The following DERA variants were observed in gnomAD, a reference collection of about 807,000 sequenced individuals.
The protein encoded by DERA is 2-deoxy-D-ribose 5-phosphate aldolase.
DERA carries 15 observed loss-of-function variants against 41.1 expected under a neutral mutation model. The ratio of observed to expected loss-of-function variants is 0.37; its 90% CI spans 0.24 to 0.56. The LOEUF is 0.56. DERA is among the 20% of genes least tolerant of loss of function. The probability of loss-of-function intolerance (pLI) is 0.81; values close to 1 mark genes in which losing one functional copy is unlikely to be tolerated. For synonymous variants in DERA, 139 were observed against 137.4 expected (o/e 1.01, Z -0.08); for missense variants, 396 against 403.4 (o/e 0.98, Z 0.16).
Position 16,035,501 on chromosome 12 carries a change from C to T in DERA, c.751-731C>T, listed in dbSNP as rs2136191563. On this transcript the variant is annotated intron_variant, in intron 7 of 8. Transcript: ENST00000428559. This position sits in a 1 kb window ranked among gnomAD's most constrained non-coding sequence, Gnocchi z 4.1. ...TGTATATGGAACATATCTTTCATTT[C>T]CTAATGGATCCAGGGACATCATTTA... 6.6e-6 allele frequency among the ~76,000 whole-genome samples: 1 copy of T among 152,268 alleles called. No individual in the cohort carries two copies. The highest frequency in any genetic ancestry group is 2.4e-5 in the African/African-American group (1 of 41,564).
At position 15,959,456 on chromosome 12, in the gene DERA, G is replaced by C. The variant is rs183839572; in HGVS notation, c.278-373G>C. Reference sequence around the variant, plus strand: ...GTCTTCATCTGTCCTTCTTCAAACTGTCCTTTCTTCAGGTATGTCCTATGT... The same window carrying C: ...GTCTTCATCTGTCCTTCTTCAAACTCTCCTTTCTTCAGGTATGTCCTATGT... On this transcript the variant is annotated intron_variant, in intron 3 of 8. Transcript: ENST00000428559. This position sits in a 1 kb window ranked among gnomAD's most constrained non-coding sequence, Gnocchi z 4.5. Among the ~76,000 whole-genome samples, 218 of 152,246 alleles carry C rather than the reference G, an allele frequency of 1.4e-3. 1 individual carries two copies. The highest frequency in any genetic ancestry group is 0.014 in the Middle Eastern group (4 of 294).
In DERA at chr12:15,966,234, C is replaced by T. The variant is rs916458443; in HGVS notation, c.508+3287C>T. ...TCCGCAGCAACGCTCTGGAGTGAGG[C>T]GTCCTCCTCACTTGAGGTTGGGAGT... On this transcript the variant is annotated intron_variant, in intron 5 of 8. Coordinates refer to ENST00000428559, the MANE Select transcript of DERA (RefSeq NM_015954.4). This position sits in a 1 kb window ranked among gnomAD's most constrained non-coding sequence, Gnocchi z 5.1. Among the ~76,000 whole-genome samples the T allele has an allele frequency of 3.3e-5, 5 of 152,152 alleles. No homozygotes were observed. The highest frequency in any genetic ancestry group is 7.3e-5 in the Non-Finnish European group (5 of 68,040).
intron 4 of DERA, among the ~76,000 whole-genome samples, chr12:15,962,491 T>C (rs913194362): frequency 1.3e-5 from 2 of 152,244 alleles, no homozygotes; most frequent in African/African-American, 2.4e-5. Context: ...ATTTTATGGC[T>C]ATCACTGTGA....
At position 15,995,904 on chromosome 12, in the gene DERA, T is replaced by G. The variant is rs1352738793; in HGVS notation, c.637+13468T>G. Among the ~76,000 whole-genome samples, 3 of 152,286 alleles carry G rather than the reference T, an allele frequency of 2.0e-5. No homozygotes were observed. Among genetic ancestry groups the G allele is most frequent in the Non-Finnish European group, 4.4e-5 (3 of 68,030 alleles). ...AAAGTAGTAGGACTAGGACCAACTT[T>G]TAGACATTGTGGGAAGATGGCTTTT... On this transcript the variant is annotated intron_variant, in intron 6 of 8. Coordinates refer to ENST00000428559, the MANE Select transcript of DERA (RefSeq NM_015954.4). This position sits in a 1 kb window ranked among gnomAD's most constrained non-coding sequence, Gnocchi z 5.1.
intron 1 of DERA, among the ~76,000 whole-genome samples, chr12:15,934,109 A>T (rs1244837571): frequency 6.6e-6 from 1 of 152,114 alleles, no homozygotes. Flanking sequence ...ATGGTTTTCA[A>T]CTGTGAATCC....
At chr12:15,926,644 G>A (rs1487040878) in intron 1 of DERA, among the ~76,000 whole-genome samples, 1 of 151,936 alleles carries the variant, frequency 6.6e-6, no homozygotes, top group East Asian at 1.9e-4. Flanking sequence ...GCTGAGGCAG[G>A]GGAATGGCGT....
chr12:16,032,857 GGAGT>G (rs1396052363), intron 7 of DERA: 11 of 537,072 alleles, frequency 2.0e-5, no homozygotes, highest in South Asian at 1.3e-4. Flanking sequence ...TGTGAGTGTG[GGAGT>G]GAGTATGTGT....
At chr12:15,937,577 G>A (rs892930499) in intron 1 of DERA, among the ~76,000 whole-genome samples, 2 of 152,128 alleles carry the variant, frequency 1.3e-5, no homozygotes, top group Non-Finnish European at 2.9e-5. Flanking sequence ...CATTGGTAAT[G>A]CTAATGTATT....
rs1183539919 is a variant in DERA, at chr12:15,957,469, A to T, written c.129+436A>T. Among the ~76,000 whole-genome samples the T allele has an allele frequency of 6.6e-6, 1 of 152,166 alleles. No individual in the cohort carries two copies. Among genetic ancestry groups the T allele is most frequent in the Non-Finnish European group, 1.5e-5 (1 of 68,026 alleles). Reference sequence around the variant, plus strand: ...TATTTACCTTACTATTACTTTCTATAAATCATTTTTCAAAATTCCAAAAAT... The same window carrying T: ...TATTTACCTTACTATTACTTTCTATTAATCATTTTTCAAAATTCCAAAAAT... On this transcript the variant is annotated intron_variant, in intron 2 of 8. Transcript: ENST00000428559. The surrounding 1 kb of genome is among the most constrained non-coding windows in gnomAD (Gnocchi z 4.8).
At chr12:16,032,364 A>G (rs981667432) in intron 6 of DERA, among the ~76,000 whole-genome samples, 178 bp from the exon 7 acceptor site, 1 of 152,198 alleles carries the variant, frequency 6.6e-6, no homozygotes, top group Non-Finnish European at 1.5e-5. Context: ...TAAGGGGGAA[A>G]AAGTATGGAC....
At chr12:15,968,413 C>A (rs1293935700) in intron 5 of DERA, among the ~76,000 whole-genome samples, 3 of 152,136 alleles carry the variant, frequency 2.0e-5, no homozygotes, top group Admixed American at 1.3e-4. Context: ...CTTTCCTCTC[C>A]CTGGGATGGC....
Position 15,957,924 on chromosome 12 carries a change from T to C in DERA, c.130-264T>C, listed in dbSNP as rs1228753318. 6.6e-6 allele frequency among the ~76,000 whole-genome samples: 1 copy of C among 152,120 alleles called. No homozygotes were observed. Among genetic ancestry groups the C allele is most frequent in the African/African-American group, 2.4e-5 (1 of 41,420 alleles). On this transcript the variant is annotated intron_variant, in intron 2 of 8. Coordinates refer to ENST00000428559, the MANE Select transcript of DERA (RefSeq NM_015954.4). The surrounding 1 kb of genome is among the most constrained non-coding windows in gnomAD (Gnocchi z 4.8). ...TCAGAAGTGGGGAGACATGGGCTAA[T>C]AGGGGTTTCAATTTGGGATATCTGT...
In DERA at chr12:15,954,662, T is replaced by G. The variant is rs1430445441; in HGVS notation, c.32-2274T>G. Among the ~76,000 whole-genome samples the G allele has an allele frequency of 1.3e-5, 2 of 152,010 alleles. No individual in the cohort carries two copies. The highest frequency in any genetic ancestry group is 2.9e-5 in the Non-Finnish European group (2 of 68,002). On this transcript the variant is annotated intron_variant, in intron 1 of 8. Transcript: ENST00000428559. This position sits in a 1 kb window ranked among gnomAD's most constrained non-coding sequence, Gnocchi z 4.0. Reference sequence around the variant, plus strand: ...GAGCAGTGAGGGAGGAGCTGGGGCTTGAGAATGAGGAAGGAGCCAGATGGT... The same window carrying G: ...GAGCAGTGAGGGAGGAGCTGGGGCTGGAGAATGAGGAAGGAGCCAGATGGT...
At chr12:15,997,355 G>C (rs1186085495) in intron 6 of DERA, among the ~76,000 whole-genome samples, 2 of 152,004 alleles carry the variant, frequency 1.3e-5, no homozygotes, top group Non-Finnish European at 2.9e-5. Context: ...TACTTTATAA[G>C]CCAAATGAAT....
intron 6 of DERA, among the ~76,000 whole-genome samples, chr12:16,031,728 T>C (rs1949093713): frequency 1.3e-5 from 2 of 152,210 alleles, no homozygotes; most frequent in African/African-American, 4.8e-5. Flanking sequence ...TACCTTTCCA[T>C]TTACTGTGTG....
rs1443773844 is a variant in DERA, at chr12:15,943,642, T to G, written c.32-13294T>G. On this transcript the variant is annotated intron_variant, in intron 1 of 8. Coordinates refer to ENST00000428559, the MANE Select transcript of DERA (RefSeq NM_015954.4). This position sits in a 1 kb window ranked among gnomAD's most constrained non-coding sequence, Gnocchi z 4.5. ...CAGAACTTCCACGAATGATCCTACC[T>G]GTATAACATGTGCTGTATCTTGACA... Among the ~76,000 whole-genome samples the G allele has an allele frequency of 6.6e-6, 1 of 152,158 alleles. No homozygotes were observed. The highest frequency in any genetic ancestry group is 1.5e-5 in the Non-Finnish European group (1 of 68,018).
At position 15,940,303 on chromosome 12, in the gene DERA, T is replaced by A. The variant is rs1948399656; in HGVS notation, c.32-16633T>A. On this transcript the variant is annotated intron_variant, in intron 1 of 8. Transcript: ENST00000428559. The surrounding 1 kb of genome is among the most constrained non-coding windows in gnomAD (Gnocchi z 5.1). ...TGAAACTGATATTTTCTAGTATTTTTGGAGCCAACAACTTAATAACTACTG... is the reference window on the plus strand; with the variant it reads ...TGAAACTGATATTTTCTAGTATTTTAGGAGCCAACAACTTAATAACTACTG... Among the ~76,000 whole-genome samples, 1 of 152,192 alleles carries A rather than the reference T, an allele frequency of 6.6e-6. No homozygotes were observed. Among genetic ancestry groups the A allele is most frequent in the Admixed American group, 6.5e-5 (1 of 15,274 alleles).
chr12:15,944,461 G>T (rs1445869947), intron 1 of DERA, among the ~76,000 whole-genome samples: 3 of 152,092 alleles, frequency 2.0e-5, no homozygotes, highest in Admixed American at 6.5e-5. Flanking sequence ...GTTTTGATTT[G>T]CATTTCTCTG....
Position 16,004,176 on chromosome 12 carries a change from G to C in DERA, c.637+21740G>C, listed in dbSNP as rs1948894308. Among the ~76,000 whole-genome samples, 1 of 152,180 alleles carries C rather than the reference G, an allele frequency of 6.6e-6. No homozygotes were observed. Among genetic ancestry groups the C allele is most frequent in the Non-Finnish European group, 1.5e-5 (1 of 68,032 alleles). On this transcript the variant is annotated intron_variant, in intron 6 of 8. Coordinates refer to ENST00000428559, the MANE Select transcript of DERA (RefSeq NM_015954.4). This position sits in a 1 kb window ranked among gnomAD's most constrained non-coding sequence, Gnocchi z 4.2. ...ACTAAACTGCTCAATTTAATAATTA[G>C]AGGTAGAAAATATAATTGGTTTATC...
Sources: allele counts gnomAD v4.1 joint callset (sites outside exome capture counted in the v4.1 genomes callset), GRCh38; gene constraint gnomAD v4.1.1; non-coding constraint Gnocchi (gnomAD v3.1); transcripts MANE v1.5; gene names NCBI Gene and HGNC (gene_info 2026-07-23, HGNC 2026-07-21).